Variants in MACO1 observed in about 807,000 individuals in gnomAD.
The protein encoded by MACO1 is macoilin.
MACO1 carries 14 observed loss-of-function variants against 78.7 expected under a neutral mutation model. The observed-to-expected ratio is 0.18, with a 90% CI of 0.12 to 0.28. The LOEUF is 0.28. Ranked by LOEUF, MACO1 falls within the 10% of genes least tolerant of loss-of-function variation. MACO1 has a pLI of 1.00. For missense variants in MACO1, 501 were observed against 799.0 expected (o/e 0.63, Z 4.50); for synonymous variants, 288 against 291.6 (o/e 0.99, Z 0.12).
At chr1:25,476,387 G>A (rs1571980423) in intron 6 of MACO1, among the ~76,000 whole-genome samples, 1 of 152,188 alleles carries the variant, frequency 6.6e-6, no homozygotes, top group Non-Finnish European at 1.5e-5. Flanking sequence ...ATGCCTTGTA[G>A]TCACTACAGT....
At chr1:25,459,551 T>G (rs1410587131) in intron 6 of MACO1, among the ~76,000 whole-genome samples, 1 of 151,440 alleles carries the variant, frequency 6.6e-6, no homozygotes, top group Non-Finnish European at 1.5e-5. Flanking sequence ...CTCGGCTCAC[T>G]GCAACCTCCG....
chr1:25,461,580 C>T (rs1177846328), intron 6 of MACO1, among the ~76,000 whole-genome samples: 5 of 151,380 alleles, frequency 3.3e-5, no homozygotes, highest in African/African-American at 7.3e-5. Flanking sequence ...TCCTTCCCCC[C>T]CCTCAAAAAA....
chr1:25,434,314 C>T (rs908587179), intron 1 of MACO1, among the ~76,000 whole-genome samples: 1 of 152,164 alleles, frequency 6.6e-6, no homozygotes, highest in Non-Finnish European at 1.5e-5. Context: ...TGACCCAGCC[C>T]AGAGCCTGAC....
rs768427250 is a variant in MACO1, at chr1:25,491,417, G to A, written c.1625G>A (p.Arg542Gln). Residue 542 changes from arginine to glutamine, a missense_variant, in exon 10 of 11, where the codon CGG becomes CAG. Around this residue, in one of 5 missense-constraint regions of MACO1, gnomAD observed 163 missense variants for 271.9 expected, o/e 0.60. Coordinates refer to ENST00000374343, the MANE Select transcript of MACO1 (RefSeq NM_018202.6). ...TTTTGATGATATTGATAGGAGCTTC[G>A]GAAATATAAGGAAAATGAGAAGGAC... ...RELELKVQEL[R>Q]KYKENEKDTE... 8 of 1,614,090 alleles carry A rather than the reference G, an allele frequency of 5.0e-6. No individual in the cohort carries two copies. Among genetic ancestry groups the A allele is most frequent in the African/African-American group, 1.3e-5 (1 of 75,038 alleles).
At chr1:25,480,930 A>AAAAATATATT (rs1491297338) in intron 6 of MACO1, among the ~76,000 whole-genome samples, 2 of 75,320 alleles carry the variant, frequency 2.7e-5, no homozygotes, top group Non-Finnish European at 5.0e-5. Flanking sequence ...AAAAAAAAAA[A>AAAAATATATT]TATATATATA....
At chr1:25,479,555 C>T (rs932898160) in intron 6 of MACO1, among the ~76,000 whole-genome samples, 10 of 152,108 alleles carry the variant, frequency 6.6e-5, no homozygotes, top group African/African-American at 2.2e-4. Context: ...GCTGGAACTA[C>T]AGGCACAAGC....
chr1:25,440,432 A>G (rs909180832), intron 1 of MACO1, among the ~76,000 whole-genome samples: 8 of 151,658 alleles, frequency 5.3e-5, no homozygotes, highest in Non-Finnish European at 8.8e-5. Context: ...GAAGAAAGAA[A>G]AAAGTTAAAA....
chr1:25,438,740 TAAAAATATAAAA>T, intron 1 of MACO1, among the ~76,000 whole-genome samples: 1 of 152,190 alleles, frequency 6.6e-6, no homozygotes, highest in East Asian at 1.9e-4. Context: ...CCGTCTCTAC[TAAAAATATAAAA>T]ATTAGCTGGG....
intron 1 of MACO1, among the ~76,000 whole-genome samples, chr1:25,431,950 C>T (rs1006488943): frequency 1.3e-5 from 2 of 151,526 alleles, no homozygotes; most frequent in Admixed American, 1.3e-4. Context: ...AAAGCAGTGT[C>T]CCTTTAAATA....
At chr1:25,436,782 C>G (rs2042922334) in intron 1 of MACO1, among the ~76,000 whole-genome samples, 1 of 152,192 alleles carries the variant, frequency 6.6e-6, no homozygotes, top group African/African-American at 2.4e-5. Context: ...AGCTGATGAG[C>G]CTTCCAAGGC....
chr1:25,453,610 C>T (rs1168624167), intron 3 of MACO1, among the ~76,000 whole-genome samples: 1 of 146,578 alleles, frequency 6.8e-6, no homozygotes, highest in Non-Finnish European at 1.5e-5. Flanking sequence ...TTGCAGTGAG[C>T]CGAGATCACG....
At position 25,499,490 on chromosome 1, in the gene MACO1, C is replaced by T. The variant is rs2043568888; in HGVS notation, c.*1024C>T. The T allele has an allele frequency of 1.3e-5, 2 of 150,818 alleles. No homozygotes were observed. The highest frequency in any genetic ancestry group is 2.9e-5 in the Non-Finnish European group (2 of 67,828). 9.3% of individuals were successfully genotyped at this position (150,818 alleles called of 1,614,324 possible). A position where few individuals can be genotyped will look rare whatever the true frequency, so the allele number is the denominator to read the frequency against. On this transcript the variant is annotated 3_prime_UTR_variant, in exon 11 of 11. Coordinates refer to ENST00000374343, the MANE Select transcript of MACO1 (RefSeq NM_018202.6). The stretch of plus-strand genomic sequence containing the variant: ...TCATTTCATTTAACTGTGCTTTCTC[C>T]ACTTTTCATCATTTTGTGTTTGATG...
chr1:25,446,544 G>T (rs771704851), intron 1 of MACO1, among the ~76,000 whole-genome samples: 1 of 152,038 alleles, frequency 6.6e-6, no homozygotes, highest in Non-Finnish European at 1.5e-5. Context: ...AGCGTTTTTG[G>T]TATCATCTTA....
chr1:25,443,472 C>T (rs78540626), intron 1 of MACO1, among the ~76,000 whole-genome samples: 2,064 of 152,248 alleles, frequency 0.014, 54 homozygotes, highest in African/African-American at 0.047. Flanking sequence ...TCTTAGATAC[C>T]TGTACTTCTA....
chr1:25,446,679 G>A (rs946237831), intron 1 of MACO1, 83 bp from the exon 2 acceptor site: 38 of 1,379,476 alleles, frequency 2.8e-5, no homozygotes, highest in African/African-American at 1.2e-4. Flanking sequence ...TTTTTTTGTC[G>A]TTTTAAACAG....
chr1:25,480,087 A>G (rs1181277715), intron 6 of MACO1, among the ~76,000 whole-genome samples: 1 of 152,186 alleles, frequency 6.6e-6, no homozygotes, highest in East Asian at 1.9e-4. Context: ...AATAAACTCA[A>G]TGCAGGTGGT....
Position 25,489,239 on chromosome 1 carries a change from G to C in MACO1, c.1563G>C (p.Thr521=). ...TAGAAGCAGAGGGCAAGAAGCTCAC[G>C]ATGGACATGAAGGTGAAAGAAGACC... is the stretch of plus-strand genomic sequence containing the variant. ...RELEAEGKKL[T]MDMKVKEDQI... Residue 521 remains threonine (T), a synonymous_variant, in exon 9 of 11, where the codon ACG becomes ACC. Transcript: ENST00000374343. The C allele has an allele frequency of 6.2e-7, 1 of 1,614,102 alleles. No homozygotes were observed. The highest frequency in any genetic ancestry group is 8.5e-7 in the Non-Finnish European group (1 of 1,180,002).
Position 25,456,806 on chromosome 1 carries a change from G to A in MACO1, c.627G>A (p.Gln209=). Residue 209 remains glutamine, a synonymous_variant, in exon 5 of 11, where the codon CAG becomes CAA. Transcript: ENST00000374343. ...TCCCTCCAGAGCAACAGATGCTACA[G>A]AAGCAAGAAAAAGAGGCCGAGGAAG... ...QALPPEQQML[Q]KQEKEAEEAA... 1.2e-6 allele frequency: 2 copies of A among 1,610,702 alleles called. No homozygotes were observed. Among genetic ancestry groups the A allele is most frequent in the East Asian group, 4.5e-5 (2 of 44,806 alleles).
intron 1 of MACO1, among the ~76,000 whole-genome samples, chr1:25,446,060 A>G (rs2043012997): frequency 6.6e-6 from 1 of 152,206 alleles, no homozygotes; most frequent in Non-Finnish European, 1.5e-5. Context: ...TCTGTTTAAC[A>G]CAAGTCCAGA....
Sources: allele counts gnomAD v4.1 joint callset (sites outside exome capture counted in the v4.1 genomes callset), GRCh38; gene constraint gnomAD v4.1.1; regional missense constraint gnomAD v4.1.1; transcripts MANE v1.5; gene names NCBI Gene and HGNC (gene_info 2026-07-23, HGNC 2026-07-21).